Variants in SLC22A5 observed in about 807,000 individuals in gnomAD.
SLC22A5 encodes the protein organic cation/carnitine transporter 2.
SLC22A5 carries 44 observed loss-of-function variants against 56.7 expected under a neutral mutation model. The ratio of observed to expected loss-of-function variants is 0.78; its 90% CI spans 0.61 to 1.00. SLC22A5 has a LOEUF of 1.00. Ranked by LOEUF, SLC22A5 falls within the 50% of genes least tolerant of loss-of-function variation. SLC22A5 has a pLI of 0.00. For synonymous variants in SLC22A5, 278 were observed against 292.1 expected, an observed-to-expected ratio of 0.95 and a Z score of 0.49; for missense variants, 675 against 723.0, an observed-to-expected ratio of 0.93 and a Z score of 0.76.
intron 9 of SLC22A5, 67 bp from the exon 10 acceptor site, chr5:132,394,114 CTTGT>C (rs1360300916): frequency 3.9e-6 from 4 of 1,024,706 alleles, no homozygotes; most frequent in East Asian, 4.8e-5. Context: ...ATCCTCAGTT[CTTGT>C]TTGTTTGGAG....
chr5:132,371,009 T>A (rs1379962612), intron 1 of SLC22A5, among the ~76,000 whole-genome samples: 1 of 146,344 alleles, frequency 6.8e-6, no homozygotes, highest in Non-Finnish European at 1.5e-5. Flanking sequence ...CGCAGTCGTG[T>A]GTTCTTGGCT....
intron 2 of SLC22A5, 147 bp downstream of exon 2, chr5:132,378,628 C>T (rs1350613414): frequency 1.4e-6 from 1 of 700,388 alleles, no homozygotes; most frequent in African/African-American, 1.8e-5. Flanking sequence ...ATATAGACTC[C>T]ATGCCTAGTA....
intron 6 of SLC22A5, 133 bp from the exon 7 acceptor site, chr5:132,390,557 A>G: frequency 1.3e-6 from 1 of 753,806 alleles, no homozygotes; most frequent in Non-Finnish European, 2.4e-6. Context: ...GCAGGGTTAC[A>G]GTTACTGCTG....
At position 132,393,658 on chromosome 5, in the gene SLC22A5, C is replaced by G. The variant is rs905909497; in HGVS notation, c.1451-18C>G. On this transcript the variant is annotated intron_variant, in intron 8 of 9. Transcript: ENST00000245407. ...TAACTGCAGCCCTGGGCCTGAGGCT[C>G]CGTCTGCTTTGCCATAGGTGCCTAC... 2 of 1,613,968 alleles carry G rather than the reference C, an allele frequency of 1.2e-6. No homozygotes were observed. Among genetic ancestry groups the G allele is most frequent in the Admixed American group, 1.7e-5 (1 of 60,014 alleles).
In SLC22A5 at chr5:132,385,504, G is replaced by T; in HGVS notation, c.824+5G>T. The T allele has an allele frequency of 6.2e-7, 1 of 1,613,690 alleles. No homozygotes were observed. The highest frequency in any genetic ancestry group is 8.5e-7 in the Non-Finnish European group (1 of 1,179,586). ...GCTATGCGTGGCACTCTGGTGGTGA[G>T]TGTGACCTTGTGCCCCATGTGCCCA... On this transcript the variant is annotated splice_donor_5th_base_variant and intron_variant, in intron 4 of 9. Coordinates refer to ENST00000245407, the MANE Select transcript of SLC22A5 (RefSeq NM_003060.4).
In SLC22A5 at chr5:132,392,580, TG is replaced by T; in HGVS notation, c.1418del (p.Gly473AlafsTer26). ...GVGVSSTASRLGSILSPYFVY... is the reference protein window; with the variant it reads ...GVGVSSTASRXGSILSPYFVY... The stretch of plus-strand genomic sequence containing the variant: ...GGAGTCAGCTCCACAGCATCCCGCC[TG>T]GGCAGCATCCTGTCTCCCTACTTCG... On this transcript the variant is annotated frameshift_variant, in exon 8 of 10. Coordinates refer to ENST00000245407, the MANE Select transcript of SLC22A5 (RefSeq NM_003060.4). LOFTEE classifies it high-confidence loss of function. The T allele has an allele frequency of 6.2e-7, 1 of 1,614,168 alleles. No homozygotes were observed. Among genetic ancestry groups the T allele is most frequent in the Non-Finnish European group, 8.5e-7 (1 of 1,180,034 alleles).
At position 132,370,261 on chromosome 5, in the gene SLC22A5, C is replaced by G. The variant is rs749314368; in HGVS notation, c.289C>G (p.Leu97Val). The G allele has an allele frequency of 1.1e-5, 18 of 1,588,804 alleles. No homozygotes were observed. In the East Asian group the frequency reaches 4.1e-4, roughly 37 times the overall value. Residue 97 changes from leucine (L) to valine (V), a missense_variant, in exon 1 of 10, where the codon CTG becomes GTG. Physicochemically the swap from Leu to Val is conservative, Grantham distance 32 (BLOSUM62 1). Coordinates refer to ENST00000245407, the MANE Select transcript of SLC22A5 (RefSeq NM_003060.4). ...ATIANFSALG[L>V]EPGRDVDLGQ... is the part of the protein sequence containing the mutation. ...CATCGCCAACTTCTCGGCGCTTGGGCTGGAGCCGGGGCGCGACGTGGACCT... is the reference window on the plus strand; with the variant it reads ...CATCGCCAACTTCTCGGCGCTTGGGGTGGAGCCGGGGCGCGACGTGGACCT...
At chr5:132,371,061 T>C (rs1433015595) in intron 1 of SLC22A5, among the ~76,000 whole-genome samples, 1 of 150,140 alleles carries the variant, frequency 6.7e-6, no homozygotes, top group Non-Finnish European at 1.5e-5. Context: ...CTCACTGCAA[T>C]CTTCGCCTTC....
chr5:132,376,734 A>G (rs1752153929), intron 1 of SLC22A5: 1 of 152,208 alleles, frequency 6.6e-6, no homozygotes, highest in African/African-American at 2.4e-5. Flanking sequence ...AGAGCCCATC[A>G]TACTCAAGAG....
At chr5:132,370,951 G>GTTTTTTTTTT (rs757040799) in intron 1 of SLC22A5, among the ~76,000 whole-genome samples, 3 of 101,126 alleles carry the variant, frequency 3.0e-5, no homozygotes, top group African/African-American at 6.7e-5. Flanking sequence ...TCAGTTGTCA[G>GTTTTTTTTTT]TCTTTTTTTT....
intron 8 of SLC22A5, 29 bp downstream of exon 8, chr5:132,392,644 G>A (rs11568518): frequency 1.9e-6 from 3 of 1,597,086 alleles, no homozygotes; most frequent in Non-Finnish European, 2.6e-6. Context: ...GGGCACACTA[G>A]AGCAACGGGA....
chr5:132,390,249 G>A (rs1752654798), intron 6 of SLC22A5: 2 of 321,486 alleles, frequency 6.2e-6, no homozygotes, highest in Admixed American at 4.7e-5. Context: ...TTGACCTAAT[G>A]TTGTTCCTTT....
chr5:132,378,275 G>C (rs548517660), intron 1 of SLC22A5, 103 bp from the exon 2 acceptor site: 1 of 1,613,858 alleles, frequency 6.2e-7, no homozygotes, highest in South Asian at 1.1e-5. Context: ...CACTCAGAGC[G>C]TGTGGGGATG....
chr5:132,393,662 C>T lies in SLC22A5; in HGVS notation c.1451-14C>T. The T allele has an allele frequency of 6.2e-7, 1 of 1,614,122 alleles. No homozygotes were observed. Among genetic ancestry groups the T allele is most frequent in the South Asian group, 1.1e-5 (1 of 91,080 alleles). ...TGCAGCCCTGGGCCTGAGGCTCCGT[C>T]TGCTTTGCCATAGGTGCCTACGACC... On this transcript the variant is annotated splice_polypyrimidine_tract_variant and intron_variant, in intron 8 of 9. Transcript: ENST00000245407.
At chr5:132,378,958 G>T in intron 2 of SLC22A5, 1 of 192,946 alleles carries the variant, frequency 5.2e-6, no homozygotes, top group South Asian at 1.0e-4. Flanking sequence ...GGTATGAAAA[G>T]CAGAACTCTT....
In SLC22A5 at chr5:132,385,510, C is replaced by A. The variant is rs758784226; in HGVS notation, c.824+11C>A. ...CGTGGCACTCTGGTGGTGAGTGTGA[C>A]CTTGTGCCCCATGTGCCCACTGGCA... On this transcript the variant is annotated intron_variant, in intron 4 of 9. Transcript: ENST00000245407. 4 of 1,612,410 alleles carry A rather than the reference C, an allele frequency of 2.5e-6. No homozygotes were observed. In the East Asian group the frequency reaches 8.9e-5, roughly 36 times the overall value.
At position 132,369,821 on chromosome 5, in the gene SLC22A5, G is replaced by A; in HGVS notation, c.-152G>A. ...GGCCAGCCGCGGCAGGACCAAGGCG[G>A]CGGTGTCAGCTCGCGAGCCTACCCT... is the stretch of plus-strand genomic sequence containing the variant. On this transcript the variant is annotated 5_prime_UTR_variant, in exon 1 of 10. Coordinates refer to ENST00000245407, the MANE Select transcript of SLC22A5 (RefSeq NM_003060.4). 2 of 957,560 alleles carry A rather than the reference G, an allele frequency of 2.1e-6. No individual in the cohort carries two copies. Among genetic ancestry groups the A allele is most frequent in the South Asian group, 3.6e-5 (2 of 56,300 alleles). 59.3% of individuals were successfully genotyped at this position (957,560 alleles called of 1,614,324 possible).
chr5:132,385,203 G>C (rs1752479663), intron 3 of SLC22A5, 125 bp from the exon 4 acceptor site: 17 of 900,154 alleles, frequency 1.9e-5, no homozygotes, highest in Admixed American at 5.4e-5. Context: ...CCGCTCCCTA[G>C]CGCCATGAAC....
chr5:132,377,953 C>A (rs1052454772), intron 1 of SLC22A5: 3 of 694,680 alleles, frequency 4.3e-6, no homozygotes, highest in Non-Finnish European at 7.1e-6. Flanking sequence ...TGCTTTGGCC[C>A]GTAGAGCCCC....
Sources: gnomAD v4.1 joint callset for allele counts (sites outside exome capture counted in the v4.1 genomes callset) on GRCh38, gnomAD v4.1.1 for gene constraint, MANE v1.5 for transcripts, NCBI Gene and HGNC (gene_info 2026-07-23, HGNC 2026-07-21) for gene names.